Variants in ADAM12 observed in about 807,000 individuals in gnomAD.
ADAM12 encodes the protein disintegrin and metalloproteinase domain-containing protein 12.
Under a neutral mutation model 106.4 loss-of-function variants are expected in ADAM12, and 70 were observed. That is an observed-to-expected ratio of 0.66 (90% CI 0.54 to 0.80). The LOEUF (loss-of-function observed/expected upper bound fraction) is 0.80, where lower values mean the gene tolerates loss of function less well. Among genes scored for constraint, ADAM12 ranks in the 30% least tolerant of loss-of-function variants. The pLI is 0.00. For synonymous variants in ADAM12, 420 were observed against 433.5 expected, an observed-to-expected ratio of 0.97 and a Z score of 0.39; for missense variants, 1,010 against 1,171.9, an observed-to-expected ratio of 0.86 and a Z score of 2.02.
At position 126,341,671 on chromosome 10, in the gene ADAM12, T is replaced by G. The variant is rs532500461; in HGVS notation, c.89-11162A>C. ...CCAAATTAAGAGGAGAACAGAGAACTAAGGGACCATAATAGCAATTGCCAT... is the reference window on the plus strand; with the variant it reads ...CCAAATTAAGAGGAGAACAGAGAACGAAGGGACCATAATAGCAATTGCCAT... On this transcript the variant is annotated intron_variant, in intron 1 of 22. Coordinates refer to ENST00000448723, the MANE Select transcript of ADAM12 (RefSeq NM_001288973.2). Among the ~76,000 whole-genome samples, 18 of 152,318 alleles carry G rather than the reference T, an allele frequency of 1.2e-4. No individual in the cohort carries two copies. The East Asian group carries it at 3.5e-3, about 29-fold the overall frequency.
chr10:126,141,986 A>G (rs1956521155), intron 4 of ADAM12, among the ~76,000 whole-genome samples: 1 of 152,208 alleles, frequency 6.6e-6, no homozygotes, highest in East Asian at 1.9e-4. Context: ...AGATGGGGAA[A>G]CCAAGACCTA....
rs1565073944 is a variant in ADAM12 at position 126,121,122 on chromosome 10, G to GTATATATAGTA, written c.417-2899_417-2898insTACTATATATA. Among the ~76,000 whole-genome samples, 200 of 29,584 alleles carry GTATATATAGTA rather than the reference G, an allele frequency of 6.8e-3. 4 individuals are homozygous for GTATATATAGTA. Among genetic ancestry groups the GTATATATAGTA allele is most frequent in the African/African-American group, 0.02 (167 of 8,444 alleles). The allele number at this position is 29,584 out of a possible 152,430, so 19.4% of individuals were successfully genotyped here. ...CTATATTATATATAGTATATATATA[G>GTATATATAGTA]TATATATACTATATACTATATATAC... On this transcript the variant is annotated intron_variant, in intron 5 of 22. Coordinates refer to ENST00000448723, the MANE Select transcript of ADAM12 (RefSeq NM_001288973.2).
chr10:126,129,272 A>G (rs1956262609), intron 5 of ADAM12, among the ~76,000 whole-genome samples: 1 of 152,238 alleles, frequency 6.6e-6, no homozygotes, highest in African/African-American at 2.4e-5. Flanking sequence ...AACCAGAAAA[A>G]TTAGAGAGAG....
intron 12 of ADAM12, among the ~76,000 whole-genome samples, chr10:126,071,021 G>T (rs187714958): frequency 6.6e-6 from 1 of 152,148 alleles, no homozygotes; most frequent in Non-Finnish European, 1.5e-5. Context: ...ATACAGAGGC[G>T]TCTGCAGCAG....
intron 3 of ADAM12, among the ~76,000 whole-genome samples, chr10:126,269,182 C>A (rs1360846484): frequency 6.6e-6 from 1 of 152,136 alleles, no homozygotes; most frequent in Non-Finnish European, 1.5e-5. Flanking sequence ...GGGTCACTCT[C>A]GTGACCATTT....
In ADAM12 at chr10:126,190,989, C is replaced by CTTTTTTTTTTTTTTTTTTTTTTTTTTTT. The variant is rs1957488604; in HGVS notation, c.261-35685_261-35684insAAAAAAAAAAAAAAAAAAAAAAAAAAAA. ...TTTGAGTTGCCATGAGGAGTTTTGT[C>CTTTTTTTTTTTTTTTTTTTTTTTTTTTT]CTTTTTTTTTTTTTTTTTTTTTTTT... On this transcript the variant is annotated intron_variant, in intron 3 of 22. Transcript: ENST00000448723. Among the ~76,000 whole-genome samples, 10 of 68,710 alleles carry CTTTTTTTTTTTTTTTTTTTTTTTTTTTT rather than the reference C, an allele frequency of 1.5e-4. 5 individuals carry two copies. Among genetic ancestry groups the CTTTTTTTTTTTTTTTTTTTTTTTTTTTT allele is most frequent in the African/African-American group, 1.5e-4 (4 of 26,280 alleles). 45.1% of individuals were successfully genotyped at this position (68,710 alleles called of 152,430 possible). A position where few individuals can be genotyped will look rare whatever the true frequency, so the allele number is the denominator to read the frequency against.
At chr10:126,143,368 T>C (rs1478455178) in intron 4 of ADAM12, among the ~76,000 whole-genome samples, 3 of 144,612 alleles carry the variant, frequency 2.1e-5, no homozygotes, top group Non-Finnish European at 4.6e-5. Flanking sequence ...TATACATGTG[T>C]ATATGCTGTG....
intron 1 of ADAM12, among the ~76,000 whole-genome samples, chr10:126,334,294 T>C (rs1335576904): frequency 1.3e-5 from 2 of 152,206 alleles, no homozygotes; most frequent in African/African-American, 4.8e-5. Context: ...TTATTTTTCA[T>C]AATATATATT....
At chr10:126,029,113 G>T (rs1953930479) in intron 21 of ADAM12, among the ~76,000 whole-genome samples, 1 of 152,202 alleles carries the variant, frequency 6.6e-6, no homozygotes, top group Non-Finnish European at 1.5e-5. Context: ...TAGAAAGGTT[G>T]CAGAGCAAAA....
intron 11 of ADAM12, 27 bp from the exon 12 acceptor site, chr10:126,071,681 A>T (rs777527609): frequency 6.2e-7 from 1 of 1,610,462 alleles, no homozygotes; most frequent in East Asian, 2.2e-5. Flanking sequence ...CAGAACAGTA[A>T]GTCACAGGGC....
chr10:126,098,437 G>A lies in ADAM12; in HGVS notation c.975C>T (p.Asp325=), dbSNP rs761441957. The A allele has an allele frequency of 8.7e-6, 14 of 1,614,008 alleles. No individual in the cohort carries two copies. The highest frequency in any genetic ancestry group is 1.7e-6 in the Non-Finnish European group (2 of 1,179,982). ...TTACCATGACAATTCCCCCAGACTG[G>A]TCTGCCGTGCACATGCTCATGATTG... The part of the protein sequence containing the change: ...MAPIMSMCTA[D]QSGGIVMDHS... The change falls in exon 10 of 23, where the codon GAC becomes GAT. Residue 325 remains aspartate, a synonymous_variant. Transcript: ENST00000448723.
intron 12 of ADAM12, among the ~76,000 whole-genome samples, chr10:126,068,098 A>G (rs1465890527): frequency 6.6e-6 from 1 of 152,216 alleles, no homozygotes; most frequent in African/African-American, 2.4e-5. Flanking sequence ...TATATACAAT[A>G]AGATAAAACT....
At chr10:126,347,897 C>T (rs1025715442) in intron 1 of ADAM12, among the ~76,000 whole-genome samples, 15 of 152,130 alleles carry the variant, frequency 9.9e-5, no homozygotes, top group Non-Finnish European at 2.1e-4. Context: ...CATCCAGTGA[C>T]GAATTCTCTG....
intron 1 of ADAM12, among the ~76,000 whole-genome samples, chr10:126,378,171 T>C (rs1157534170): frequency 6.6e-6 from 1 of 152,150 alleles, no homozygotes; most frequent in Non-Finnish European, 1.5e-5. Context: ...AACAACCACA[T>C]AGGTAACCAG....
At chr10:126,274,097 C>A (rs190852813) in intron 3 of ADAM12, among the ~76,000 whole-genome samples, 39 of 152,302 alleles carry the variant, frequency 2.6e-4, no homozygotes, top group African/African-American at 9.1e-4. Flanking sequence ...TCCAGGTTGT[C>A]CAGACTCCAT....
chr10:126,297,971 C>A (rs1960456883), intron 2 of ADAM12, among the ~76,000 whole-genome samples: 1 of 152,050 alleles, frequency 6.6e-6, no homozygotes, highest in African/African-American at 2.4e-5. Context: ...GATAACTCCC[C>A]ACTCCAGGGT....
rs1359909600 is a variant in ADAM12 at position 126,143,702 on chromosome 10, A to G, written c.340-8042T>C. On this transcript the variant is annotated intron_variant, in intron 4 of 22. Transcript: ENST00000448723. ...TGCATATATGGGTGTGCATGTGTGT[A>G]TATGTGTGTGTGTGGGTATGCATGT... Among the ~76,000 whole-genome samples the G allele has an allele frequency of 4.0e-5, 6 of 151,408 alleles. No homozygotes were observed. In the East Asian group the frequency reaches 1.2e-3, roughly 29 times the overall value.
intron 2 of ADAM12, among the ~76,000 whole-genome samples, chr10:126,300,055 A>C (rs1960554199): frequency 6.6e-6 from 1 of 152,224 alleles, no homozygotes. Context: ...TAGAATAAAA[A>C]TATCTTGAAT....
intron 2 of ADAM12, among the ~76,000 whole-genome samples, chr10:126,314,256 G>A (rs1013651717): frequency 1.3e-5 from 2 of 152,188 alleles, no homozygotes; most frequent in African/African-American, 4.8e-5. Flanking sequence ...CCACAACCAT[G>A]GGAAAAGTAG....
Sources: allele counts gnomAD v4.1 joint callset (sites outside exome capture counted in the v4.1 genomes callset), GRCh38; gene constraint gnomAD v4.1.1; transcripts MANE v1.5; gene names NCBI Gene and HGNC (gene_info 2026-07-23, HGNC 2026-07-21).